ZMIZ1: variants seen among roughly 807,000 people sequenced by gnomAD.
ZMIZ1 encodes zinc finger MIZ-type containing 1.
Under a neutral mutation model 113.9 loss-of-function variants are expected in ZMIZ1, and 17 were observed. That is an observed-to-expected ratio of 0.15 (90% CI 0.10 to 0.22). ZMIZ1 has a LOEUF of 0.22. Ranked by LOEUF, ZMIZ1 falls within the 10% of genes least tolerant of loss-of-function variation. The probability of loss-of-function intolerance (pLI) is 1.00; values close to 1 mark genes in which losing one functional copy is unlikely to be tolerated. For synonymous variants in ZMIZ1, 607 were observed against 603.1 expected, an observed-to-expected ratio of 1.01 and a Z score of -0.09; for missense variants, 1,059 against 1,477.8, an observed-to-expected ratio of 0.72 and a Z score of 4.65.
intron 3 of ZMIZ1, among the ~76,000 whole-genome samples, chr10:79,140,910 G>A (rs1240783447): frequency 2.0e-5 from 3 of 152,144 alleles, no homozygotes; most frequent in Non-Finnish European, 4.4e-5. Flanking sequence ...AGCCTCCCGT[G>A]TAGCTGGGAC....
intron 1 of ZMIZ1, among the ~76,000 whole-genome samples, chr10:79,114,327 G>T (rs1009421736): frequency 6.6e-6 from 1 of 152,196 alleles, no homozygotes; most frequent in African/African-American, 2.4e-5. Context: ...CGCCGTCTCC[G>T]GTTTAGCGGG....
intron 3 of ZMIZ1, among the ~76,000 whole-genome samples, chr10:79,152,162 A>G (rs1845740567): frequency 6.6e-6 from 1 of 152,206 alleles, no homozygotes; most frequent in Non-Finnish European, 1.5e-5. Context: ...AGGCTGGCCA[A>G]GGGATTTCAG....
intron 7 of ZMIZ1, among the ~76,000 whole-genome samples, chr10:79,236,374 A>C (rs1849587298): frequency 1.3e-5 from 2 of 152,194 alleles, no homozygotes; most frequent in African/African-American, 2.4e-5. Flanking sequence ...CAGGAAGGCA[A>C]ACTGCATTTC....
At chr10:79,172,326 A>ACCCT (rs1457492219) in intron 4 of ZMIZ1, among the ~76,000 whole-genome samples, 1 of 151,820 alleles carries the variant, frequency 6.6e-6, no homozygotes, top group Admixed American at 6.6e-5. Flanking sequence ...AGACAGACCC[A>ACCCT]CCCTCCCTAG....
At chr10:79,116,784 A>G (rs1844052275) in intron 1 of ZMIZ1, among the ~76,000 whole-genome samples, 1 of 152,194 alleles carries the variant, frequency 6.6e-6, no homozygotes, top group African/African-American at 2.4e-5. Context: ...AGATCAAGAA[A>G]CAGAACCTTG....
chr10:79,268,510 G>A (rs1029348848), intron 7 of ZMIZ1, among the ~76,000 whole-genome samples: 1 of 152,220 alleles, frequency 6.6e-6, no homozygotes, highest in African/African-American at 2.4e-5. Flanking sequence ...AGTCGTCTCA[G>A]CATATTGGGT....
intron 7 of ZMIZ1, among the ~76,000 whole-genome samples, chr10:79,247,932 C>T (rs977596697): frequency 8.5e-5 from 13 of 152,206 alleles, no homozygotes; most frequent in African/African-American, 1.9e-4. Flanking sequence ...AAGTCACTTC[C>T]CCTCTGGGGG....
intron 3 of ZMIZ1, among the ~76,000 whole-genome samples, chr10:79,161,730 TTGAA>T (rs1846121665): frequency 6.6e-6 from 1 of 152,240 alleles, no homozygotes; most frequent in South Asian, 2.1e-4. Context: ...TGAATGTTTG[TTGAA>T]TGAATGAGTG....
intron 8 of ZMIZ1, 133 bp downstream of exon 8, chr10:79,277,458 T>G: frequency 8.4e-7 from 1 of 1,196,846 alleles, no homozygotes; most frequent in Middle Eastern, 2.1e-4. Flanking sequence ...GTGCAGTTGT[T>G]TTTTTACATC....
At chr10:79,273,829 A>C (rs999048727) in intron 7 of ZMIZ1, among the ~76,000 whole-genome samples, 1 of 152,264 alleles carries the variant, frequency 6.6e-6, no homozygotes, top group African/African-American at 2.4e-5. Context: ...CCGTGGGTCT[A>C]ATGGCATTCA....
At chr10:79,283,284 G>A (rs1852855493) in intron 8 of ZMIZ1, among the ~76,000 whole-genome samples, 1 of 152,184 alleles carries the variant, frequency 6.6e-6, no homozygotes, top group African/African-American at 2.4e-5. Flanking sequence ...GAGCCAGGCT[G>A]CTGGGCCTTG....
At chr10:79,123,533 A>G (rs944602726) in intron 2 of ZMIZ1, among the ~76,000 whole-genome samples, 3 of 152,180 alleles carry the variant, frequency 2.0e-5, no homozygotes, top group Non-Finnish European at 4.4e-5. Flanking sequence ...GGCTGTGGCC[A>G]CACAGGAGGG....
intron 7 of ZMIZ1, among the ~76,000 whole-genome samples, chr10:79,229,011 C>T (rs555207510): frequency 3.3e-5 from 5 of 152,348 alleles, no homozygotes; most frequent in African/African-American, 9.6e-5. Flanking sequence ...CTTTACAGTC[C>T]AGGCTCTGAG....
At chr10:79,186,216 G>T (rs1452585739) in intron 4 of ZMIZ1, among the ~76,000 whole-genome samples, 1 of 152,150 alleles carries the variant, frequency 6.6e-6, no homozygotes, top group Non-Finnish European at 1.5e-5. Flanking sequence ...CCCTCCCCTG[G>T]TCTGTCCCAT....
In ZMIZ1 at chr10:79,212,266, T is replaced by A. The variant is rs1257051269; in HGVS notation, c.174+3817T>A. On this transcript the variant is annotated intron_variant, in intron 6 of 24. Coordinates refer to ENST00000334512, the MANE Select transcript of ZMIZ1 (RefSeq NM_020338.4). ...TTGACCTCCTGGGCTTAAGCGATCCTCCTGCCTCAGCCTCCTGGGTAACTG... is the reference window on the plus strand; with the variant it reads ...TTGACCTCCTGGGCTTAAGCGATCCACCTGCCTCAGCCTCCTGGGTAACTG... 3.9e-5 allele frequency among the ~76,000 whole-genome samples: 6 copies of A among 152,092 alleles called. 1 individual carries two copies. Among genetic ancestry groups the A allele is most frequent in the Non-Finnish European group, 7.4e-5 (5 of 68,006 alleles).
chr10:79,309,215 C>T (rs1369365545), intron 23 of ZMIZ1, among the ~76,000 whole-genome samples: 2 of 152,208 alleles, frequency 1.3e-5, no homozygotes, highest in African/African-American at 2.4e-5. Context: ...TACTTGGTGG[C>T]GGGTTGACAG....
chr10:79,238,647 G>A (rs181092532), intron 7 of ZMIZ1, among the ~76,000 whole-genome samples: 33 of 152,292 alleles, frequency 2.2e-4, no homozygotes, highest in African/African-American at 7.7e-4. Flanking sequence ...TGACCTGGAG[G>A]TCACCTTCCT....
chr10:79,275,251 A>G (rs913141148), intron 7 of ZMIZ1, among the ~76,000 whole-genome samples: 1 of 152,220 alleles, frequency 6.6e-6, no homozygotes, highest in South Asian at 2.1e-4. Context: ...GTGCAGACAC[A>G]CATGACAGAG....
intron 23 of ZMIZ1, among the ~76,000 whole-genome samples, chr10:79,310,446 T>C (rs1855054716): frequency 6.6e-6 from 1 of 152,210 alleles, no homozygotes; most frequent in African/African-American, 2.4e-5. Flanking sequence ...GACCCAGTCC[T>C]GAGCCGCACG....
Sources: gnomAD v4.1 joint callset for allele counts (sites outside exome capture counted in the v4.1 genomes callset) on GRCh38, gnomAD v4.1.1 for gene constraint, MANE v1.5 for transcripts, NCBI Gene and HGNC (gene_info 2026-07-23, HGNC 2026-07-21) for gene names.